The following AGRN variants were observed in gnomAD, a reference collection of about 807,000 sequenced individuals.
The protein encoded by AGRN is agrin, also known as agrin proteoglycan.
AGRN carries 106 observed loss-of-function variants against 211.0 expected under a neutral mutation model. The observed-to-expected ratio is 0.50, with a 90% CI of 0.43 to 0.59. AGRN has a LOEUF of 0.59. Among genes scored for constraint, AGRN ranks in the 20% least tolerant of loss-of-function variants. AGRN has a pLI of 0.00. For synonymous variants in AGRN, 1,525 were observed against 1,332.5 expected (o/e 1.14, Z -3.15); for missense variants, 3,040 against 2,982.6 (o/e 1.02, Z -0.45).
Position 1,044,384 on chromosome 1 carries a change from G to T in AGRN, c.2199G>T (p.Lys733Asn). 1.2e-6 allele frequency: 2 copies of T among 1,612,710 alleles called. No homozygotes were observed. Among genetic ancestry groups the T allele is most frequent in the Non-Finnish European group, 1.7e-6 (2 of 1,179,800 alleles). Residue 733 changes from lysine (K) to asparagine (N), a missense_variant, in exon 12 of 36, where the codon AAG becomes AAT. Lys to Asn is a moderately conservative substitution (Grantham distance 94, BLOSUM62 0). Transcript: ENST00000379370. ...ACAGCACCGAGTGTGAGCTGAAGAA[G>T]GCCAGGTGTGAGTCACAGCGAGGGC... ...VTYSTECELK[K>N]ARCESQRGLY...
At chr1:1,053,712 GC>G in intron 33 of AGRN, 40 bp from the exon 34 acceptor site, 1 of 1,242,184 alleles carries the variant, frequency 8.1e-7, no homozygotes, top group South Asian at 1.3e-5. Flanking sequence ...CTGTCCTGTT[GC>G]CACCTTCCTA....
intron 3 of AGRN, among the ~76,000 whole-genome samples, chr1:1,040,361 G>C (rs982589839): frequency 2.6e-5 from 4 of 152,202 alleles, no homozygotes; most frequent in African/African-American, 9.6e-5. Flanking sequence ...CTCGCCCGTC[G>C]CAGAAACAGA....
At chr1:1,030,955 T>A in intron 2 of AGRN, among the ~76,000 whole-genome samples, 2 of 114,236 alleles carry the variant, frequency 1.8e-5, no homozygotes, top group South Asian at 3.5e-4. Context: ...CATGGTGCTG[T>A]GTGAGATCAG....
chr1:1,047,475 C>T lies in AGRN; in HGVS notation c.3516+21C>T, dbSNP rs377623616. On this transcript the variant is annotated intron_variant, in intron 20 of 35. Coordinates refer to ENST00000379370, the MANE Select transcript of AGRN (RefSeq NM_198576.4). The stretch of plus-strand genomic sequence containing the variant: ...GCACCGTAAGACGGGGGCGCAGCCC[C>T]CACCTACCCACTGGCCTTCCTCCCC... 3.8e-5 allele frequency: 61 copies of T among 1,612,592 alleles called. No homozygotes were observed. In the African/African-American group the frequency reaches 6.4e-4, roughly 17 times the overall value.
chr1:1,021,181 C>T (rs1644394541), intron 1 of AGRN, among the ~76,000 whole-genome samples: 1 of 152,210 alleles, frequency 6.6e-6, no homozygotes, highest in Non-Finnish European at 1.5e-5. Context: ...CCGGTGCGGG[C>T]TACAGCTGGG....
Position 1,049,342 on chromosome 1 carries a change from T to C in AGRN, c.4405T>C (p.Ser1469Pro). The C allele has an allele frequency of 6.3e-7, 1 of 1,598,138 alleles. No homozygotes were observed. ...LSRHWRRGTL[S>P]VDGETPVLGE... The stretch of plus-strand genomic sequence containing the variant: ...CCGGCACTGGCGCCGGGGCACCCTC[T>C]CGGTGGATGGTGAGACCCCTGTTCT... Residue 1469 changes from serine (S) to proline (P), a missense_variant, in exon 25 of 36, where the codon TCG becomes CCG. Coordinates refer to ENST00000379370, the MANE Select transcript of AGRN (RefSeq NM_198576.4).
chr1:1,035,241 C>G, intron 2 of AGRN, 36 bp from the exon 3 acceptor site: 1 of 1,611,502 alleles, frequency 6.2e-7, no homozygotes, highest in Non-Finnish European at 8.5e-7. Context: ...GGAGCCTGCT[C>G]AGAGGAGCCT....
At chr1:1,036,741 G>A (rs554932620) in intron 3 of AGRN, among the ~76,000 whole-genome samples, 339 of 152,142 alleles carry the variant, frequency 2.2e-3, no homozygotes, top group African/African-American at 7.9e-3. Context: ...CTGTTCCTAT[G>A]AGATCCCAAA....
chr1:1,053,426 C>T, intron 33 of AGRN: 1 of 1,405,662 alleles, frequency 7.1e-7, no homozygotes, highest in Non-Finnish European at 9.5e-7. Context: ...CGCCTGTCCC[C>T]TGCTCACCCG....
chr1:1,022,057 C>A, intron 1 of AGRN, 144 bp from the exon 2 acceptor site: 2 of 1,050,702 alleles, frequency 1.9e-6, no homozygotes, highest in Non-Finnish European at 2.8e-6. Context: ...CAGCTTCCGC[C>A]CAGCGGGCTG....
rs1356820865 is a variant in AGRN, at chr1:1,022,198, C to T, written c.202-3C>T. The T allele has an allele frequency of 1.2e-6, 2 of 1,612,980 alleles. No individual in the cohort carries two copies. The highest frequency in any genetic ancestry group is 1.7e-6 in the Non-Finnish European group (2 of 1,179,998). Reference sequence around the variant, plus strand: ...ATGACACCTACCGCCATGTCCACCCCAGGTTCGGGTCTGGCGGTACTTGAA... The same window carrying T: ...ATGACACCTACCGCCATGTCCACCCTAGGTTCGGGTCTGGCGGTACTTGAA... On this transcript the variant is annotated splice_region_variant and splice_polypyrimidine_tract_variant and intron_variant, in intron 1 of 35. Coordinates refer to ENST00000379370, the MANE Select transcript of AGRN (RefSeq NM_198576.4).
rs911634048 is a variant in AGRN at position 1,055,422 on chromosome 1, C to G, written c.*441C>G. ...TGAGCTGCTCCTTCCTGTGTGTGCTCTGGGCCCTGCCTCGGCCTCCTGCGC... is the reference window on the plus strand; with the variant it reads ...TGAGCTGCTCCTTCCTGTGTGTGCTGTGGGCCCTGCCTCGGCCTCCTGCGC... On this transcript the variant is annotated 3_prime_UTR_variant, in exon 36 of 36. Transcript: ENST00000379370. 2.2e-5 allele frequency: 7 copies of G among 319,872 alleles called. No homozygotes were observed. Among genetic ancestry groups the G allele is most frequent in the South Asian group, 1.9e-4 (7 of 36,802 alleles). 19.8% of individuals were successfully genotyped at this position (319,872 alleles called of 1,614,324 possible). A position where few individuals can be genotyped will look rare whatever the true frequency, so the allele number is the denominator to read the frequency against.
Position 1,041,315 on chromosome 1 carries a change from C to A in AGRN, c.870C>A (p.Ala290=). 6.6e-7 allele frequency: 1 copy of A among 1,521,862 alleles called. No homozygotes were observed. The highest frequency in any genetic ancestry group is 8.8e-7 in the Non-Finnish European group (1 of 1,141,038). 94.3% of individuals were successfully genotyped at this position (1,521,862 alleles called of 1,614,324 possible). Residue 290 remains alanine, a synonymous_variant, in exon 5 of 36, where the codon GCC becomes GCA. Transcript: ENST00000379370. ...PEGTVCGSDG[A]DYPGECQLLR... ...GGACCGTCTGCGGCAGCGACGGCGC[C>A]GACTACCCCGGCGAGTGCCAGCTCC...
At position 1,043,281 on chromosome 1, in the gene AGRN, G is replaced by C. The variant is rs986280294; in HGVS notation, c.1427G>C (p.Gly476Ala). The change falls in exon 8 of 36, where the codon GGG becomes GCG. Residue 476 changes from glycine to alanine, a missense_variant. By Grantham distance (60) the Gly-to-Ala change is moderately conservative. Coordinates refer to ENST00000379370, the MANE Select transcript of AGRN (RefSeq NM_198576.4). The stretch of plus-strand genomic sequence containing the variant: ...TGCCTCGGGGTGCAGTGTGCATTTG[G>C]GGCGACGTGTGCTGTGAAGAACGGG... ...SPCLGVQCAF[G>A]ATCAVKNGQA... 2.2e-5 allele frequency: 36 copies of C among 1,611,518 alleles called. No individual in the cohort carries two copies. The highest frequency in any genetic ancestry group is 2.8e-5 in the Non-Finnish European group (33 of 1,179,506).
chr1:1,038,773 CAGCAGG>C (rs1255108372), intron 3 of AGRN, among the ~76,000 whole-genome samples: 4 of 152,172 alleles, frequency 2.6e-5, no homozygotes, highest in African/African-American at 9.7e-5. Context: ...GGCTGGGCAT[CAGCAGG>C]TGCCCGTTGG....
chr1:1,047,389 A>G lies in AGRN; in HGVS notation c.3451A>G (p.Thr1151Ala), dbSNP rs1389138544. 1.9e-6 allele frequency: 3 copies of G among 1,612,324 alleles called. No homozygotes were observed. The highest frequency in any genetic ancestry group is 1.3e-5 in the African/African-American group (1 of 74,920). Residue 1151 changes from threonine to alanine, a missense_variant, in exon 20 of 36, where the codon ACG (threonine) becomes GCG (alanine). By Grantham distance (58) the Thr-to-Ala change is moderately conservative. Coordinates refer to ENST00000379370, the MANE Select transcript of AGRN (RefSeq NM_198576.4). ...EGVEGQELFYTPEMADPKSEL... is the reference protein window; with the variant it reads ...EGVEGQELFYAPEMADPKSEL... ...CGTCGAGGGCCAGGAGCTGTTCTAC[A>G]CGCCCGAGATGGCTGACCCCAAGTC...
At position 1,041,200 on chromosome 1, in the gene AGRN, C is replaced by T. The variant is rs1242657298; in HGVS notation, c.755C>T (p.Thr252Ile). The T allele has an allele frequency of 3.4e-6, 5 of 1,466,596 alleles. No individual in the cohort carries two copies. The highest frequency in any genetic ancestry group is 4.5e-6 in the Non-Finnish European group (5 of 1,114,900). 90.8% of individuals were successfully genotyped at this position (1,466,596 alleles called of 1,614,324 possible). Residue 252 changes from threonine to isoleucine, a missense_variant, in exon 5 of 36, where the codon ACC (threonine) becomes ATC (isoleucine). By Grantham distance (89) the Thr-to-Ile change is moderately conservative (BLOSUM62 -1). This residue lies in a region of AGRN where 1,498 missense variants were observed against 1,457.8 expected (regional missense o/e 1.03). Coordinates refer to ENST00000379370, the MANE Select transcript of AGRN (RefSeq NM_198576.4). The part of the protein sequence containing the change: ...CGSRDPCSNV[T>I]CSFGSTCARS... ...TCGCGGGACCCCTGCTCCAACGTGA[C>T]CTGCAGCTTCGGCAGCACCTGTGCG...
intron 2 of AGRN, among the ~76,000 whole-genome samples, chr1:1,024,758 C>A (rs562321835): frequency 6.6e-5 from 10 of 152,124 alleles, no homozygotes; most frequent in Admixed American, 5.2e-4. Context: ...GCCCCTCCCC[C>A]AGTCAACAAC....
Position 1,051,623 on chromosome 1 carries a change from C to G in AGRN, c.5541C>G (p.Phe1847Leu). ...AAYVCLCPGGFSGPHCEKGLV... is the reference protein window; with the variant it reads ...AAYVCLCPGGLSGPHCEKGLV... ...ATGTGTGCCTGTGTCCCGGGGGATT[C>G]TCAGGACCGCACTGCGAGAAGGGTG... Residue 1847 changes from phenylalanine (F) to leucine (L), a missense_variant, in exon 32 of 36, where the codon TTC (phenylalanine) becomes TTG (leucine). Around this residue, in one of 3 missense-constraint regions of AGRN, gnomAD observed 1,537 missense variants for 1,505.0 expected, o/e 1.02. Coordinates refer to ENST00000379370, the MANE Select transcript of AGRN (RefSeq NM_198576.4). The G allele has an allele frequency of 6.2e-7, 1 of 1,610,710 alleles. No homozygotes were observed. Among genetic ancestry groups the G allele is most frequent in the Non-Finnish European group, 8.5e-7 (1 of 1,178,480 alleles).
Sources: allele counts gnomAD v4.1 joint callset (sites outside exome capture counted in the v4.1 genomes callset), GRCh38; gene constraint gnomAD v4.1.1; regional missense constraint gnomAD v4.1.1; transcripts MANE v1.5; gene names NCBI Gene and HGNC (gene_info 2026-07-23, HGNC 2026-07-21).